Variants in TOM1L2 observed in about 807,000 individuals in gnomAD.
The protein encoded by TOM1L2 is target of myb1 like 2 membrane trafficking protein, also known as TOM1-like protein 2.
A neutral mutation model predicts 67.9 loss-of-function variants in TOM1L2; 31 were observed. The observed-to-expected ratio is 0.46, with a 90% CI of 0.34 to 0.62. The LOEUF is 0.62. Among genes scored for constraint, TOM1L2 ranks in the 20% least tolerant of loss-of-function variants. The pLI, the probability that TOM1L2 is intolerant of heterozygous loss-of-function variation, is 0.01. For synonymous variants in TOM1L2, 256 were observed against 254.0 expected, an observed-to-expected ratio of 1.01 and a Z score of -0.07; for missense variants, 606 against 663.5, an observed-to-expected ratio of 0.91 and a Z score of 0.95.
chr17:17,926,042 G>T (rs1020881191), intron 1 of TOM1L2, among the ~76,000 whole-genome samples: 1 of 151,574 alleles, frequency 6.6e-6, no homozygotes, highest in Non-Finnish European at 1.5e-5. Flanking sequence ...TCAGTGGCAC[G>T]CACCTGTAGT....
At chr17:17,932,623 T>C (rs192869423) in intron 1 of TOM1L2, among the ~76,000 whole-genome samples, 2 of 152,248 alleles carry the variant, frequency 1.3e-5, no homozygotes, top group East Asian at 1.9e-4. Flanking sequence ...GGAGCAGGCA[T>C]GGGATGTGGT....
intron 10 of TOM1L2, among the ~76,000 whole-genome samples, chr17:17,865,088 G>A (rs545882774): frequency 2.0e-5 from 3 of 152,356 alleles, no homozygotes; most frequent in African/African-American, 7.2e-5. Context: ...GTATCATCCA[G>A]TATAACCAAT....
intron 1 of TOM1L2, among the ~76,000 whole-genome samples, chr17:17,950,532 G>C (rs1019090234): frequency 6.6e-6 from 1 of 151,946 alleles, no homozygotes; most frequent in Non-Finnish European, 1.5e-5. Flanking sequence ...GGGCTTAAGT[G>C]GCATGGCACT....
rs116559410 is a variant in TOM1L2, at chr17:17,873,919, G to C, written c.778-4446C>G. ...TTCACTGTAAAATTTTATTTGTGGA[G>C]GAAAAGGTTCCATACTTTATTTACT... is the stretch of plus-strand genomic sequence containing the variant. On this transcript the variant is annotated intron_variant, in intron 7 of 14. Transcript: ENST00000379504. 8.1e-3 allele frequency among the ~76,000 whole-genome samples: 1,227 copies of C among 152,156 alleles called. 23 individuals carry two copies. The highest frequency in any genetic ancestry group is 0.027 in the African/African-American group (1,134 of 41,522).
chr17:17,954,767 C>G (rs968487083), intron 1 of TOM1L2, among the ~76,000 whole-genome samples: 5 of 152,150 alleles, frequency 3.3e-5, no homozygotes, highest in African/African-American at 1.2e-4. Context: ...CTTACAGCCT[C>G]AAGCAATGGT....
chr17:17,904,624 G>A (rs568516429), intron 2 of TOM1L2, among the ~76,000 whole-genome samples: 1 of 152,248 alleles, frequency 6.6e-6, no homozygotes, highest in East Asian at 1.9e-4. Context: ...CAGCAGGAAG[G>A]GGTAGGAGGG....
At chr17:17,935,978 C>T (rs2040500267) in intron 1 of TOM1L2, among the ~76,000 whole-genome samples, 1 of 152,224 alleles carries the variant, frequency 6.6e-6, no homozygotes, top group South Asian at 2.1e-4. Flanking sequence ...ATCCTCCACC[C>T]AGCAGCTAGT....
chr17:17,915,038 G>GC (rs1171104589), intron 1 of TOM1L2, among the ~76,000 whole-genome samples: 2 of 152,108 alleles, frequency 1.3e-5, no homozygotes, highest in Non-Finnish European at 2.9e-5. Context: ...GTTCTATCTA[G>GC]TTTGTTACGT....
At chr17:17,889,073 TC>T (rs1238954191) in intron 4 of TOM1L2, among the ~76,000 whole-genome samples, 2 of 152,138 alleles carry the variant, frequency 1.3e-5, no homozygotes, top group Non-Finnish European at 2.9e-5. Context: ...GAAAGGCAGA[TC>T]CTGTGGTGCG....
intron 1 of TOM1L2, among the ~76,000 whole-genome samples, chr17:17,962,506 G>A (rs933421513): frequency 2.6e-5 from 4 of 151,876 alleles, no homozygotes; most frequent in Non-Finnish European, 4.4e-5. Context: ...TAGAGACAGG[G>A]TTTCACCGTG....
intron 11 of TOM1L2, chr17:17,861,880 G>A (rs1202786090): frequency 4.4e-6 from 1 of 225,958 alleles, no homozygotes; most frequent in Non-Finnish European, 8.6e-6. Context: ...ACTCCTCAGA[G>A]GGAAGACTAG....
intron 1 of TOM1L2, among the ~76,000 whole-genome samples, chr17:17,952,135 T>C (rs2041229732): frequency 6.6e-6 from 1 of 152,148 alleles, no homozygotes; most frequent in African/African-American, 2.4e-5. Context: ...ATCCATTCTG[T>C]GGAATGCTTG....
At chr17:17,883,270 C>T (rs2144069150) in intron 5 of TOM1L2, among the ~76,000 whole-genome samples, 1 of 152,306 alleles carries the variant, frequency 6.6e-6, no homozygotes, top group East Asian at 1.9e-4. Context: ...TTGGTCTTTA[C>T]AAGTAGACTA....
At chr17:17,890,369 AT>A (rs1462737111) in intron 4 of TOM1L2, among the ~76,000 whole-genome samples, 1 of 152,140 alleles carries the variant, frequency 6.6e-6, no homozygotes, top group Non-Finnish European at 1.5e-5. Flanking sequence ...ATATTTGGCC[AT>A]TTTTGACCAA....
At chr17:17,862,450 A>G in intron 11 of TOM1L2, 1 of 303,658 alleles carries the variant, frequency 3.3e-6, no homozygotes, top group South Asian at 6.1e-5. Flanking sequence ...CAGCATGGGG[A>G]GAAAAGAGAA....
chr17:17,929,421 C>T (rs969402670), intron 1 of TOM1L2, among the ~76,000 whole-genome samples: 7 of 152,126 alleles, frequency 4.6e-5, no homozygotes, highest in African/African-American at 1.2e-4. Flanking sequence ...CACCTGAGAT[C>T]GGGAGTTCCA....
intron 2 of TOM1L2, 55 bp from the exon 3 acceptor site, chr17:17,898,729 T>C: frequency 1.3e-6 from 2 of 1,573,488 alleles, no homozygotes; most frequent in Admixed American, 3.3e-5. Context: ...GAGGACACGA[T>C]CCTACAGATA....
intron 7 of TOM1L2, 73 bp downstream of exon 7, chr17:17,879,554 G>T: frequency 1.6e-6 from 2 of 1,228,854 alleles, no homozygotes; most frequent in South Asian, 1.2e-5. Context: ...CTGTGTCCCC[G>T]GGTGGGATCC....
chr17:17,862,952 C>CT, intron 10 of TOM1L2, 104 bp from the exon 11 acceptor site: 1 of 325,376 alleles, frequency 3.1e-6, no homozygotes. Context: ...GTTTAGGTTC[C>CT]ATGGGGAGGG....
Sources: gnomAD v4.1 joint callset for allele counts (sites outside exome capture counted in the v4.1 genomes callset) on GRCh38, gnomAD v4.1.1 for gene constraint, MANE v1.5 for transcripts, NCBI Gene and HGNC (gene_info 2026-07-23, HGNC 2026-07-21) for gene names.